The following RBFOX2 variants were observed in gnomAD, a reference collection of about 807,000 sequenced individuals.
The protein encoded by RBFOX2 is RNA binding fox-1 homolog 2.
Under a neutral mutation model 49.1 loss-of-function variants are expected in RBFOX2, and 10 were observed. That is an observed-to-expected ratio of 0.20 (90% CI 0.13 to 0.35). The LOEUF is 0.35. RBFOX2 is among the 10% of genes least tolerant of loss of function. RBFOX2 has a pLI of 1.00. For missense variants in RBFOX2, 323 were observed against 486.9 expected (o/e 0.66, Z 3.17); for synonymous variants, 183 against 187.4 (o/e 0.98, Z 0.19).
At chr22:35,924,515 T>C (rs2051392912) in intron 1 of RBFOX2, among the ~76,000 whole-genome samples, 1 of 152,250 alleles carries the variant, frequency 6.6e-6, no homozygotes, top group African/African-American at 2.4e-5. Context: ...ATTAAACTTG[T>C]AAGAGGCACT....
intron 1 of RBFOX2, among the ~76,000 whole-genome samples, chr22:35,953,576 A>G (rs1285817568): frequency 6.6e-6 from 1 of 152,248 alleles, no homozygotes; most frequent in Non-Finnish European, 1.5e-5. Context: ...TGTAAGCTAC[A>G]TGGAGATAGT....
chr22:35,936,887 G>A (rs1474302687), intron 1 of RBFOX2, among the ~76,000 whole-genome samples: 1 of 152,168 alleles, frequency 6.6e-6, no homozygotes, highest in Non-Finnish European at 1.5e-5. Flanking sequence ...AACTCAGTAA[G>A]TCTATTTCCA....
At chr22:35,826,822 A>T (rs1846260453) in intron 1 of RBFOX2, among the ~76,000 whole-genome samples, 1 of 152,198 alleles carries the variant, frequency 6.6e-6, no homozygotes, top group Non-Finnish European at 1.5e-5. Context: ...AACAATACTA[A>T]TAGTAACAGA....
At chr22:35,782,360 C>T (rs545823579) in intron 2 of RBFOX2, among the ~76,000 whole-genome samples, 25 of 152,256 alleles carry the variant, frequency 1.6e-4, no homozygotes, top group Admixed American at 3.9e-4. Context: ...CTCGCTCTGT[C>T]GCCCAGGCTC....
chr22:35,977,722 C>CTATAGATATATA lies in RBFOX2; in HGVS notation c.187-38826_187-38825insTATATATCTATA, dbSNP rs1289842750. Among the ~76,000 whole-genome samples the CTATAGATATATA allele has an allele frequency of 2.2e-3, 177 of 80,868 alleles. 6 individuals carry two copies. Among genetic ancestry groups the CTATAGATATATA allele is most frequent in the African/African-American group, 7.4e-3 (157 of 21,084 alleles). 53.1% of individuals were successfully genotyped at this position (80,868 alleles called of 152,430 possible). A position where few individuals can be genotyped will look rare whatever the true frequency, so the allele number is the denominator to read the frequency against. ...TGCATGTAAATTATACCTGAATGAA[C>CTATAGATATATA]TATATATATATATATATATATATAT... On this transcript the variant is annotated intron_variant, in intron 1 of 13. Coordinates refer to the RBFOX2 transcript ENST00000438146.
intron 1 of RBFOX2, among the ~76,000 whole-genome samples, chr22:36,013,739 A>C (rs961251907): frequency 3.9e-5 from 6 of 152,190 alleles, no homozygotes; most frequent in African/African-American, 1.4e-4. Flanking sequence ...GGAAATGGAG[A>C]AAAGCAAGGA....
At position 35,866,749 on chromosome 22, in the gene RBFOX2, C is replaced by T. The variant is rs569855956; in HGVS notation, c.-33-56745G>A. Among the ~76,000 whole-genome samples, 3 of 152,232 alleles carry T rather than the reference C, an allele frequency of 2.0e-5. No individual in the cohort carries two copies. The East Asian group carries it at 5.8e-4, about 29-fold the overall frequency. On this transcript the variant is annotated intron_variant, in intron 1 of 13. Coordinates refer to the RBFOX2 transcript ENST00000359369. ...TGAAAGGCTCCTCTCAGCCAAAGAA[C>T]AAGAAAAGGGGTGGCCTAGCAAGAC...
intron 3 of RBFOX2, among the ~76,000 whole-genome samples, chr22:35,779,271 T>C (rs938485268): frequency 6.6e-6 from 1 of 152,198 alleles, no homozygotes; most frequent in Non-Finnish European, 1.5e-5. Context: ...TTTCCAGATA[T>C]CTTTTTGGCT....
At chr22:35,927,048 G>A (rs553610411) in intron 1 of RBFOX2, among the ~76,000 whole-genome samples, 72 of 152,186 alleles carry the variant, frequency 4.7e-4, no homozygotes, top group Non-Finnish European at 7.8e-4. Flanking sequence ...GAGAAGTTAA[G>A]TGATTTCCTC....
At chr22:35,875,406 C>T (rs1411321838) in intron 1 of RBFOX2, among the ~76,000 whole-genome samples, 2 of 152,084 alleles carry the variant, frequency 1.3e-5, no homozygotes, top group African/African-American at 2.4e-5. Flanking sequence ...GGCCACTGAG[C>T]CTCTGGCTAG....
chr22:35,851,167 C>G (rs2041896070), intron 1 of RBFOX2, among the ~76,000 whole-genome samples: 1 of 152,074 alleles, frequency 6.6e-6, no homozygotes, highest in Non-Finnish European at 1.5e-5. Flanking sequence ...TTTTAAGAGT[C>G]AAAATGGCTA....
At chr22:36,024,644 G>A (rs2059364138) in intron 1 of RBFOX2, among the ~76,000 whole-genome samples, 1 of 151,698 alleles carries the variant, frequency 6.6e-6, no homozygotes, top group African/African-American at 2.4e-5. Flanking sequence ...AGGAGGCTGA[G>A]GCATAAGAAT....
intron 1 of RBFOX2, among the ~76,000 whole-genome samples, chr22:35,877,664 T>C (rs1172034540): frequency 6.6e-6 from 1 of 152,196 alleles, no homozygotes; most frequent in South Asian, 2.1e-4. Context: ...CATGGTAACT[T>C]ATCCAATGTC....
intron 1 of RBFOX2, among the ~76,000 whole-genome samples, chr22:35,984,767 T>C (rs2057625371): frequency 6.6e-6 from 1 of 152,214 alleles, no homozygotes; most frequent in Non-Finnish European, 1.5e-5. Flanking sequence ...TGTATTTTCA[T>C]GTCTCCATGA....
intron 2 of RBFOX2, among the ~76,000 whole-genome samples, chr22:35,796,445 G>A (rs1313758051): frequency 6.6e-6 from 1 of 152,252 alleles, no homozygotes; most frequent in Non-Finnish European, 1.5e-5. Flanking sequence ...ATTACAGTAT[G>A]TTATTTTAAC....
At chr22:36,007,126 G>A (rs1394993399) in intron 1 of RBFOX2, among the ~76,000 whole-genome samples, 1 of 152,066 alleles carries the variant, frequency 6.6e-6, no homozygotes, top group Non-Finnish European at 1.5e-5. Flanking sequence ...TAATTGTATT[G>A]TTGAATGATT....
intron 9 of RBFOX2, among the ~76,000 whole-genome samples, chr22:35,751,965 A>G (rs1169912218): frequency 4.6e-5 from 7 of 152,230 alleles, no homozygotes; most frequent in Admixed American, 4.6e-4. Context: ...AAAGCCATCG[A>G]CTATTTTCTT....
At position 35,952,378 on chromosome 22, in the gene RBFOX2, T is replaced by C. The variant is rs546582906; in HGVS notation, c.42+9185A>G. Reference sequence around the variant, plus strand: ...ATAATTCACTGGACCTAGGGTAGTCTTGGAGACCCCCCAAAAAAACCTATA... The same window carrying C: ...ATAATTCACTGGACCTAGGGTAGTCCTGGAGACCCCCCAAAAAAACCTATA... On this transcript the variant is annotated intron_variant, in intron 1 of 5. Transcript: ENST00000408983. Among the ~76,000 whole-genome samples, 18 of 152,334 alleles carry C rather than the reference T, an allele frequency of 1.2e-4. 1 individual carries two copies. In the South Asian group the frequency reaches 3.5e-3, roughly 30 times the overall value.
intron 2 of RBFOX2, among the ~76,000 whole-genome samples, chr22:35,807,524 A>C: frequency 6.6e-6 from 1 of 152,046 alleles, no homozygotes; most frequent in East Asian, 1.9e-4. Flanking sequence ...AAACCACAGG[A>C]AAAATTTTTA....
Sources: gnomAD v4.1 joint callset for allele counts (sites outside exome capture counted in the v4.1 genomes callset) on GRCh38, gnomAD v4.1.1 for gene constraint, MANE v1.5 for transcripts, NCBI Gene and HGNC (gene_info 2026-07-23, HGNC 2026-07-21) for gene names.